MERTK: variants seen among roughly 807,000 people sequenced by gnomAD.
MERTK encodes tyrosine-protein kinase Mer.
A neutral mutation model predicts 99.3 loss-of-function variants in MERTK; 69 were observed. The ratio of observed to expected loss-of-function variants is 0.70; its 90% CI spans 0.57 to 0.85. The LOEUF (loss-of-function observed/expected upper bound fraction) is 0.85. Ranked by LOEUF, MERTK falls within the 40% of genes least tolerant of loss-of-function variation. The pLI, the probability that MERTK is intolerant of heterozygous loss-of-function variation, is 0.00. For missense variants in MERTK, 1,125 were observed against 1,249.4 expected, an observed-to-expected ratio of 0.90 and a Z score of 1.50; for synonymous variants, 426 against 467.6, an observed-to-expected ratio of 0.91 and a Z score of 1.15.
rs549761183 is a variant in MERTK, at chr2:111,935,432, TG to T, written c.482+5897del. 1.8e-3 allele frequency among the ~76,000 whole-genome samples: 272 copies of T among 152,266 alleles called. 6 individuals carry two copies. Among genetic ancestry groups the T allele is most frequent in the Non-Finnish European group, 4.4e-4 (30 of 68,020 alleles). On this transcript the variant is annotated intron_variant, in intron 2 of 18. Transcript: ENST00000295408. ...GAGGAGGAGGAACTGGCACCAGGAC[TG>T]GGGGAGGTACACTTCTGCCTCTCAG... is the stretch of plus-strand genomic sequence containing the variant.
At chr2:112,028,123 C>G in intron 18 of MERTK, 1 of 583,012 alleles carries the variant, frequency 1.7e-6, no homozygotes, top group East Asian at 3.0e-5. Flanking sequence ...ATATAACTGC[C>G]ACATATGTGC....
At chr2:111,927,940 C>A (rs1275895295) in intron 1 of MERTK, among the ~76,000 whole-genome samples, 1 of 152,134 alleles carries the variant, frequency 6.6e-6, no homozygotes, top group Non-Finnish European at 1.5e-5. Flanking sequence ...TCACTCACTC[C>A]CTCCCAACGT....
chr2:111,968,225 C>G lies in MERTK; in HGVS notation c.933C>G (p.Tyr311Ter). 6.2e-7 allele frequency: 1 copy of G among 1,613,882 alleles called. No homozygotes were observed. Among genetic ancestry groups the G allele is most frequent in the Non-Finnish European group, 8.5e-7 (1 of 1,179,810 alleles). The change falls in exon 6 of 19, where the codon TAC becomes TAG. Residue 311 changes from tyrosine (Y) to a stop codon, truncating the protein, a stop_gained. Transcript: ENST00000295408. LOFTEE classifies it high-confidence loss of function. Reference sequence around the variant, plus strand: ...CCTGGGTTCCTGGTTTTGATGGATACTCCCCGTTCAGGAATTGCAGCATTC... The same window carrying G: ...CCTGGGTTCCTGGTTTTGATGGATAGTCCCCGTTCAGGAATTGCAGCATTC... ...LISWVPGFDGYSPFRNCSIQV... is the reference protein window; with the variant it reads ...LISWVPGFDG
At chr2:111,939,654 A>ATTTTTTTTTTTTTTTTT (rs1184269274) in intron 2 of MERTK, among the ~76,000 whole-genome samples, 1 of 88,246 alleles carries the variant, frequency 1.1e-5, no homozygotes, top group Non-Finnish European at 2.3e-5. Context: ...CTAATTTTTA[A>ATTTTTTTTTTTTTTTTT]TTTTTTTTTT....
At chr2:111,961,612 T>A (rs1323484556) in intron 4 of MERTK, among the ~76,000 whole-genome samples, 1 of 152,140 alleles carries the variant, frequency 6.6e-6, no homozygotes, top group Non-Finnish European at 1.5e-5. Context: ...AATGAAAGGT[T>A]ACCACCGAAT....
intron 10 of MERTK, among the ~76,000 whole-genome samples, chr2:111,998,216 C>A (rs1227082719): frequency 6.6e-6 from 1 of 152,164 alleles, no homozygotes; most frequent in African/African-American, 2.4e-5. Flanking sequence ...TAAGCCTATT[C>A]TTACAATTGT....
intron 5 of MERTK, 30 bp from the exon 6 acceptor site, chr2:111,968,097 TTGTGTGTGTA>T: frequency 2.5e-6 from 2 of 800,052 alleles, no homozygotes; most frequent in Non-Finnish European, 3.7e-6. Flanking sequence ...ATAATTGTGT[TTGTGTGTGTA>T]TGTGTGTGTG....
intron 1 of MERTK, among the ~76,000 whole-genome samples, chr2:111,927,546 C>T (rs1684589499): frequency 6.6e-6 from 1 of 152,082 alleles, no homozygotes; most frequent in Admixed American, 6.6e-5. Context: ...GTAGCACGAG[C>T]CTATAGTACA....
intron 9 of MERTK, 22 bp downstream of exon 9, chr2:111,994,426 G>A (rs776336858): frequency 2.5e-6 from 4 of 1,613,876 alleles, no homozygotes; most frequent in African/African-American, 2.7e-5. Context: ...ACCCAGTAAG[G>A]GCTGATAGGA....
intron 2 of MERTK, among the ~76,000 whole-genome samples, chr2:111,943,535 T>C (rs1684902247): frequency 6.6e-6 from 1 of 151,912 alleles, no homozygotes; most frequent in South Asian, 2.1e-4. Flanking sequence ...CGAGACCCCA[T>C]CTAAAATAAA....
intron 13 of MERTK, among the ~76,000 whole-genome samples, chr2:112,006,865 TA>T (rs1423386129): frequency 6.6e-6 from 1 of 151,734 alleles, no homozygotes; most frequent in Non-Finnish European, 1.5e-5. Flanking sequence ...GAAAAATTTT[TA>T]AATTTTTCTA....
chr2:111,947,311 T>C lies in MERTK; in HGVS notation c.584-83T>C, dbSNP rs1684977625. ...CAAAAAAAGAAATCTATTGCCAAGT[T>C]CTAGTCCAGTTTCCATTCCCCTTTG... is the stretch of plus-strand genomic sequence containing the variant. On this transcript the variant is annotated intron_variant, in intron 3 of 18. Coordinates refer to ENST00000295408, the MANE Select transcript of MERTK (RefSeq NM_006343.3). The C allele has an allele frequency of 2.3e-6, 3 of 1,300,348 alleles. No individual in the cohort carries two copies. In the South Asian group the frequency reaches 3.5e-5, roughly 15 times the overall value. The allele number at this position is 1,300,348 out of a possible 1,614,324, so 80.6% of individuals were successfully genotyped here.
At chr2:111,982,735 G>A in intron 7 of MERTK, 107 bp from the exon 8 acceptor site, 1 of 1,226,038 alleles carries the variant, frequency 8.2e-7, no homozygotes, top group African/African-American at 1.5e-5. Flanking sequence ...TCTCATTTGA[G>A]TGCTTTTCAT....
intron 1 of MERTK, among the ~76,000 whole-genome samples, chr2:111,900,321 CTT>C (rs1180919002): frequency 1.3e-5 from 2 of 152,180 alleles, no homozygotes; most frequent in Non-Finnish European, 1.5e-5. Context: ...TTGAAACAAA[CTT>C]TAAGAGCCAG....
Position 112,027,305 on chromosome 2 carries a change from T to C in MERTK, c.2487-1046T>C, listed in dbSNP as rs977237389. Among the ~76,000 whole-genome samples the C allele has an allele frequency of 1.8e-4, 27 of 148,152 alleles. 1 individual carries two copies. The highest frequency in any genetic ancestry group is 6.9e-4 in the African/African-American group (27 of 39,242). ...ATATATGTGTGTGTATATGTGTGTG[T>C]GTGTGTATATATATACACACACATA... is the stretch of plus-strand genomic sequence containing the variant. On this transcript the variant is annotated intron_variant, in intron 18 of 18. Transcript: ENST00000295408.
At chr2:111,997,919 G>A (rs1301698196) in intron 10 of MERTK, among the ~76,000 whole-genome samples, 2 of 152,232 alleles carry the variant, frequency 1.3e-5, no homozygotes, top group East Asian at 3.8e-4. Flanking sequence ...GGGCATGATG[G>A]CACACGCCTG....
intron 1 of MERTK, among the ~76,000 whole-genome samples, chr2:111,921,733 C>T (rs1160652071): frequency 6.6e-6 from 1 of 152,096 alleles, no homozygotes; most frequent in Non-Finnish European, 1.5e-5. Flanking sequence ...CACTCTTTTG[C>T]AGCCTCCTCT....
intron 4 of MERTK, among the ~76,000 whole-genome samples, chr2:111,964,415 A>G (rs1025918032): frequency 4.7e-5 from 7 of 149,116 alleles, no homozygotes; most frequent in South Asian, 4.2e-4. Context: ...GCGCACGCGC[A>G]TGTGTGTGTG....
chr2:111,970,759 CTCCTCCTCCT>C, intron 6 of MERTK, among the ~76,000 whole-genome samples: 1 of 63,894 alleles, frequency 1.6e-5, no homozygotes, highest in Non-Finnish European at 3.2e-5. Flanking sequence ...CTCCCTTCTC[CTCCTCCTCCT>C]CCCTCCTCCT....
Sources: gnomAD v4.1 joint callset for allele counts (sites outside exome capture counted in the v4.1 genomes callset) on GRCh38, gnomAD v4.1.1 for gene constraint, MANE v1.5 for transcripts, NCBI Gene and HGNC (gene_info 2026-07-23, HGNC 2026-07-21) for gene names.